IGF2BP2: variants seen among roughly 807,000 people sequenced by gnomAD.
IGF2BP2 encodes the protein insulin-like growth factor 2 mRNA-binding protein 2.
A neutral mutation model predicts 75.8 loss-of-function variants in IGF2BP2; 17 were observed. The observed-to-expected ratio is 0.22, with a 90% CI of 0.15 to 0.34. The LOEUF (loss-of-function observed/expected upper bound fraction) is 0.34. IGF2BP2 is among the 10% of genes least tolerant of loss of function. The pLI is 1.00. For synonymous variants in IGF2BP2, 288 were observed against 295.6 expected, an observed-to-expected ratio of 0.97 and a Z score of 0.26; for missense variants, 516 against 772.4, an observed-to-expected ratio of 0.67 and a Z score of 3.93.
At chr3:185,680,121 CATT>C (rs1432526290) in intron 7 of IGF2BP2, among the ~76,000 whole-genome samples, 1 of 151,936 alleles carries the variant, frequency 6.6e-6, no homozygotes, top group Non-Finnish European at 1.5e-5. Flanking sequence ...AAAGAGGGAA[CATT>C]ACTACCAATA....
At chr3:185,772,022 C>T (rs920621945) in intron 2 of IGF2BP2, among the ~76,000 whole-genome samples, 2 of 152,116 alleles carry the variant, frequency 1.3e-5, no homozygotes, top group African/African-American at 4.8e-5. Context: ...CACAGCAACT[C>T]CTTTTGCTTA....
intron 2 of IGF2BP2, among the ~76,000 whole-genome samples, chr3:185,735,769 A>T (rs1728775580): frequency 6.6e-6 from 1 of 152,184 alleles, no homozygotes; most frequent in African/African-American, 2.4e-5. Context: ...ATTTCTAAAA[A>T]TATACCTTTT....
At chr3:185,763,903 G>C (rs965625334) in intron 2 of IGF2BP2, among the ~76,000 whole-genome samples, 6 of 152,198 alleles carry the variant, frequency 3.9e-5, no homozygotes, top group African/African-American at 1.2e-4. Context: ...GTGGAGAAGG[G>C]GCATGAGCAA....
intron 2 of IGF2BP2, among the ~76,000 whole-genome samples, chr3:185,759,506 A>G (rs1282995960): frequency 6.6e-6 from 1 of 152,246 alleles, no homozygotes; most frequent in Admixed American, 6.5e-5. Flanking sequence ...GAGAATCAGG[A>G]GAAAATGAAC....
chr3:185,757,849 T>A (rs1424389899), intron 2 of IGF2BP2, among the ~76,000 whole-genome samples: 1 of 152,218 alleles, frequency 6.6e-6, no homozygotes, highest in African/African-American at 2.4e-5. Context: ...AAATGATTGC[T>A]GATTGATTTC....
At chr3:185,705,998 T>G (rs1030740628) in intron 2 of IGF2BP2, among the ~76,000 whole-genome samples, 1 of 152,224 alleles carries the variant, frequency 6.6e-6, no homozygotes, top group Non-Finnish European at 1.5e-5. Flanking sequence ...CAGAGCCTAC[T>G]AGCTCACAAA....
chr3:185,774,437 T>C (rs563255133), intron 2 of IGF2BP2, among the ~76,000 whole-genome samples: 2 of 151,018 alleles, frequency 1.3e-5, no homozygotes, highest in African/African-American at 4.9e-5. Flanking sequence ...CTACTAAAAA[T>C]ACAAAAAATT....
At chr3:185,782,081 A>T (rs1735281974) in intron 2 of IGF2BP2, among the ~76,000 whole-genome samples, 1 of 152,182 alleles carries the variant, frequency 6.6e-6, no homozygotes, top group South Asian at 2.1e-4. Context: ...ACTGGTTCTG[A>T]GATCTTGCTA....
At chr3:185,784,443 C>T (rs1258092561) in intron 2 of IGF2BP2, among the ~76,000 whole-genome samples, 1 of 152,128 alleles carries the variant, frequency 6.6e-6, no homozygotes, top group Non-Finnish European at 1.5e-5. Context: ...ATGGCTCATC[C>T]CACCCGTCAA....
At chr3:185,654,315 C>G (rs1715079905) in intron 12 of IGF2BP2, among the ~76,000 whole-genome samples, 1 of 152,210 alleles carries the variant, frequency 6.6e-6, no homozygotes, top group Non-Finnish European at 1.5e-5. Context: ...CACACAGAGC[C>G]TGGCCATTGA....
intron 7 of IGF2BP2, among the ~76,000 whole-genome samples, chr3:185,677,068 T>TATATATATAGAGAG: frequency 3.6e-4 from 13 of 35,854 alleles, no homozygotes; most frequent in South Asian, 1.1e-3. Flanking sequence ...TATATATATA[T>TATATATATAGAGAG]AGAGAGAGAG....
rs186869979 is a variant in IGF2BP2 at position 185,643,452 on chromosome 3, T to G, written c.*2079A>C. ...CCAGAGGCCTTGCTGAAAAGGTTGC[T>G]GGGCCTCACCCCCAGGATTTCTGAT... On this transcript the variant is annotated 3_prime_UTR_variant, in exon 16 of 16. Coordinates refer to ENST00000382199, the MANE Select transcript of IGF2BP2 (RefSeq NM_006548.6). Among the ~76,000 whole-genome samples the G allele has an allele frequency of 6.6e-6, 1 of 152,374 alleles. No individual in the cohort carries two copies. The highest frequency in any genetic ancestry group is 6.5e-5 in the Admixed American group (1 of 15,302).
At chr3:185,707,602 G>A (rs1395595468) in intron 2 of IGF2BP2, among the ~76,000 whole-genome samples, 2 of 152,006 alleles carry the variant, frequency 1.3e-5, no homozygotes, top group African/African-American at 4.8e-5. Context: ...CCACCGAAGA[G>A]CCTACTTTTA....
intron 2 of IGF2BP2, among the ~76,000 whole-genome samples, chr3:185,777,406 G>A (rs1734659944): frequency 1.3e-5 from 2 of 152,018 alleles, no homozygotes. Context: ...CAGGAGGATG[G>A]CTTGGGCCCA....
intron 2 of IGF2BP2, among the ~76,000 whole-genome samples, chr3:185,706,207 A>G (rs1232104171): frequency 6.6e-6 from 1 of 152,182 alleles, no homozygotes; most frequent in East Asian, 1.9e-4. Context: ...CATCTCTACA[A>G]AAAGAGATGG....
chr3:185,800,710 G>GT (rs1279006534), intron 2 of IGF2BP2, among the ~76,000 whole-genome samples: 2 of 142,006 alleles, frequency 1.4e-5, no homozygotes, highest in Admixed American at 6.8e-5. Flanking sequence ...TGGTGACTGA[G>GT]CCAAAAAAAA....
chr3:185,785,941 G>A (rs917611421), intron 2 of IGF2BP2, among the ~76,000 whole-genome samples: 30 of 152,298 alleles, frequency 2.0e-4, no homozygotes, highest in Admixed American at 3.9e-4. Context: ...TAAATAGACT[G>A]AAGAAAATGT....
chr3:185,673,365 T>C (rs1197490655), intron 9 of IGF2BP2, among the ~76,000 whole-genome samples: 1 of 152,246 alleles, frequency 6.6e-6, no homozygotes, highest in Non-Finnish European at 1.5e-5. Flanking sequence ...AACAGTGTTT[T>C]CCAACTCTAT....
chr3:185,677,068 T>TATATATAAATAGAGAGAGAGAG, intron 7 of IGF2BP2, among the ~76,000 whole-genome samples: 1 of 35,876 alleles, frequency 2.8e-5, no homozygotes, highest in Non-Finnish European at 4.6e-5. Context: ...TATATATATA[T>TATATATAAATAGAGAGAGAGAG]AGAGAGAGAG....
Sources: allele counts gnomAD v4.1 joint callset (sites outside exome capture counted in the v4.1 genomes callset), GRCh38; gene constraint gnomAD v4.1.1; transcripts MANE v1.5; gene names NCBI Gene and HGNC (gene_info 2026-07-23, HGNC 2026-07-21).